Variants in AKAP19 observed in about 807,000 individuals in gnomAD.
The protein encoded by AKAP19 is A-kinase anchoring protein 19.
At chr2:190,174,054 G>A in the AKAP19 span, among the ~76,000 whole-genome samples, 4 of 152,010 alleles carry the variant, frequency 2.6e-5, no homozygotes, top group African/African-American at 4.8e-5. Flanking sequence ...CTGCCACTCC[G>A]GCTCCTACCT....
chr2:190,172,306 T>G, the AKAP19 span, among the ~76,000 whole-genome samples: 3 of 152,230 alleles, frequency 2.0e-5, no homozygotes, highest in Non-Finnish European at 4.4e-5. Context: ...TACTAGTTTG[T>G]TTACTTATAG....
chr2:189,887,023 G>A, the AKAP19 span, among the ~76,000 whole-genome samples: 13 of 151,984 alleles, frequency 8.6e-5, no homozygotes, highest in Non-Finnish European at 1.8e-4. Flanking sequence ...TAATTTCTGG[G>A]ATACATGTGC....
chr2:190,111,898 T>G, the AKAP19 span, among the ~76,000 whole-genome samples: 1 of 152,190 alleles, frequency 6.6e-6, no homozygotes, highest in African/African-American at 2.4e-5. Context: ...TGTTTTGTTT[T>G]TTTGTTTGTT....
chr2:189,960,749 G>A, the AKAP19 span, among the ~76,000 whole-genome samples: 212 of 152,146 alleles, frequency 1.4e-3, 3 homozygotes, highest in Non-Finnish European at 1.3e-4. Context: ...TCTGCCATGT[G>A]GCTAACCAGA....
chr2:189,930,139 C>T, the AKAP19 span: 7 of 156,084 alleles, frequency 4.5e-5, no homozygotes, highest in African/African-American at 1.7e-4. Context: ...CTGCAGCCAT[C>T]CAGGAATTTT....
chr2:190,064,924 T>A, the AKAP19 span, among the ~76,000 whole-genome samples: 1 of 152,158 alleles, frequency 6.6e-6, no homozygotes. Context: ...TTCACAAATT[T>A]GCCTACTTGC....
At chr2:190,093,260 T>TAA in the AKAP19 span, among the ~76,000 whole-genome samples, 4 of 148,594 alleles carry the variant, frequency 2.7e-5, no homozygotes, top group African/African-American at 1.0e-4. Context: ...CCGTCTCTAC[T>TAA]AAAAAAAAAA....
the AKAP19 span, among the ~76,000 whole-genome samples, chr2:189,967,137 A>T: frequency 6.6e-6 from 1 of 152,212 alleles, no homozygotes; most frequent in East Asian, 1.9e-4. Context: ...TTTATTTATA[A>T]GCTATCTCCA....
chr2:189,987,925 C>A, the AKAP19 span, among the ~76,000 whole-genome samples: 1 of 151,920 alleles, frequency 6.6e-6, no homozygotes, highest in Admixed American at 6.6e-5. Flanking sequence ...GTGCGGGAGA[C>A]CAGATTTTTA....
the AKAP19 span, among the ~76,000 whole-genome samples, chr2:189,970,317 A>T: frequency 6.6e-6 from 1 of 152,168 alleles, no homozygotes; most frequent in Admixed American, 6.5e-5. Flanking sequence ...AACTCTGTGT[A>T]ATTTTCCTGG....
chr2:189,953,390 C>T, the AKAP19 span, among the ~76,000 whole-genome samples: 4 of 152,080 alleles, frequency 2.6e-5, no homozygotes, highest in South Asian at 8.3e-4. Context: ...AATCCCAGCA[C>T]TTTGGGAGGC....
the AKAP19 span, among the ~76,000 whole-genome samples, chr2:189,992,662 G>C: frequency 6.6e-6 from 1 of 152,302 alleles, no homozygotes; most frequent in South Asian, 2.1e-4. Flanking sequence ...AGCATGGGAT[G>C]TGTTTCCATT....
chr2:189,939,024 G>A, the AKAP19 span, among the ~76,000 whole-genome samples: 23,359 of 152,164 alleles, frequency 0.15, 1,878 homozygotes, highest in Middle Eastern at 0.25. Context: ...CTTCCCCACC[G>A]TCTTGGGTTC....
chr2:190,183,935 C>T, the AKAP19 span, among the ~76,000 whole-genome samples: 2 of 151,844 alleles, frequency 1.3e-5, no homozygotes, highest in Admixed American at 6.6e-5. Context: ...CATTAGAATA[C>T]GCTATCTATC....
the AKAP19 span, among the ~76,000 whole-genome samples, chr2:190,115,183 C>CAG: frequency 2.8e-5 from 3 of 108,576 alleles, no homozygotes; most frequent in Non-Finnish European, 5.5e-5. Context: ...GGGAGAGAGA[C>CAG]AGAGAGAGAG....
the AKAP19 span, among the ~76,000 whole-genome samples, chr2:190,077,447 G>GT: frequency 1.6e-5 from 2 of 126,638 alleles, no homozygotes; most frequent in East Asian, 2.6e-4. Context: ...CATTTAAAAT[G>GT]TTAACATGTT....
the AKAP19 span, among the ~76,000 whole-genome samples, chr2:190,148,547 TTCTC>T: frequency 2.0e-5 from 3 of 152,328 alleles, no homozygotes; most frequent in African/African-American, 7.2e-5. Flanking sequence ...GGTTCCTTCT[TTCTC>T]TATCTTGTGG....
chr2:189,972,626 C>T, the AKAP19 span, among the ~76,000 whole-genome samples: 3 of 152,136 alleles, frequency 2.0e-5, no homozygotes, highest in African/African-American at 7.2e-5. Flanking sequence ...ATGGAATATT[C>T]TTCCATTTGT....
chr2:190,093,249 C>T, the AKAP19 span, among the ~76,000 whole-genome samples: 2 of 139,890 alleles, frequency 1.4e-5, no homozygotes, highest in Admixed American at 7.5e-5. Flanking sequence ...ATGGTGAAAC[C>T]CCGTCTCTAC....
Sources: gnomAD v4.1 joint callset for allele counts (sites outside exome capture counted in the v4.1 genomes callset) on GRCh38, gnomAD v4.1.1 for gene constraint, MANE v1.5 for transcripts, NCBI Gene and HGNC (gene_info 2026-07-23, HGNC 2026-07-21) for gene names.